Variants in CSMD3 observed in about 807,000 individuals in gnomAD.
CSMD3 encodes the protein CUB and Sushi multiple domains 3.
Under a neutral mutation model 435.2 loss-of-function variants are expected in CSMD3, and 177 were observed. The observed-to-expected ratio is 0.41, with a 90% CI of 0.36 to 0.46. CSMD3 has a LOEUF of 0.46. Among genes scored for constraint, CSMD3 ranks in the 20% least tolerant of loss-of-function variants. CSMD3 has a pLI of 0.34. For synonymous variants in CSMD3, 1,656 were observed against 1,520.5 expected, an observed-to-expected ratio of 1.09 and a Z score of -2.07; for missense variants, 4,265 against 4,504.6, an observed-to-expected ratio of 0.95 and a Z score of 1.52.
intron 6 of CSMD3, among the ~76,000 whole-genome samples, chr8:112,992,746 T>A (rs1587843034): frequency 6.6e-6 from 1 of 151,810 alleles, no homozygotes; most frequent in East Asian, 1.9e-4. Context: ...TGATTTAAAT[T>A]TAAAACAAAT....
At chr8:112,791,322 A>AGG (rs1563964280) in intron 13 of CSMD3, among the ~76,000 whole-genome samples, 5 of 51,444 alleles carry the variant, frequency 9.7e-5, no homozygotes, top group East Asian at 1.7e-3. Context: ...ATCCTGTGAA[A>AGG]AAAAAAAAAA....
chr8:112,765,010 G>A (rs1162555895), intron 13 of CSMD3, among the ~76,000 whole-genome samples: 1 of 151,434 alleles, frequency 6.6e-6, no homozygotes, highest in Non-Finnish European at 1.5e-5. Context: ...GGTGCACATA[G>A]TGAATGAGAG....
chr8:113,116,228 T>C (rs938738502), intron 4 of CSMD3, among the ~76,000 whole-genome samples: 3 of 152,176 alleles, frequency 2.0e-5, no homozygotes, highest in African/African-American at 7.2e-5. Context: ...TCACCACATG[T>C]CATGAGAAGG....
At chr8:112,785,829 T>A (rs1436371265) in intron 13 of CSMD3, among the ~76,000 whole-genome samples, 1 of 152,092 alleles carries the variant, frequency 6.6e-6, no homozygotes, top group African/African-American at 2.4e-5. Context: ...TGGATTAGAA[T>A]AATCAGTATT....
intron 4 of CSMD3, among the ~76,000 whole-genome samples, chr8:113,155,055 T>C (rs1349150617): frequency 6.6e-6 from 1 of 151,988 alleles, no homozygotes; most frequent in African/African-American, 2.4e-5. Flanking sequence ...TAAACTATCT[T>C]CCAAATCTTT....
chr8:112,520,038 A>G (rs1025376240), intron 27 of CSMD3, among the ~76,000 whole-genome samples: 1 of 152,118 alleles, frequency 6.6e-6, no homozygotes, highest in Non-Finnish European at 1.5e-5. Context: ...CTACATATTT[A>G]TAACATCTTA....
chr8:112,935,165 T>C (rs1291100136), intron 9 of CSMD3, among the ~76,000 whole-genome samples: 3 of 152,124 alleles, frequency 2.0e-5, no homozygotes, highest in Non-Finnish European at 4.4e-5. Flanking sequence ...GTCCTTTTCT[T>C]ACGGCGTGTT....
intron 39 of CSMD3, 83 bp from the exon 40 acceptor site, chr8:112,351,327 A>T: frequency 1.1e-6 from 1 of 921,624 alleles, no homozygotes; most frequent in Non-Finnish European, 1.8e-6. Context: ...TTATTATAAA[A>T]ACAAGCTTAA....
intron 2 of CSMD3, among the ~76,000 whole-genome samples, chr8:113,281,696 C>T (rs773386570): frequency 4.0e-5 from 6 of 151,790 alleles, no homozygotes; most frequent in Admixed American, 6.6e-5. Flanking sequence ...TTGCATACAT[C>T]GTGCACTTTG....
intron 6 of CSMD3, among the ~76,000 whole-genome samples, chr8:112,989,394 A>C (rs2085368540): frequency 6.6e-6 from 1 of 151,978 alleles, no homozygotes; most frequent in African/African-American, 2.4e-5. Context: ...TTTCTATGAA[A>C]CAATACTTAT....
intron 1 of CSMD3, among the ~76,000 whole-genome samples, chr8:113,377,905 G>T (rs995487502): frequency 2.0e-5 from 3 of 152,074 alleles, no homozygotes; most frequent in African/African-American, 7.2e-5. Flanking sequence ...TAAACGAGGA[G>T]CACGCCTGAA....
chr8:112,555,627 G>A (rs1054371844), intron 25 of CSMD3, among the ~76,000 whole-genome samples: 1 of 151,970 alleles, frequency 6.6e-6, no homozygotes, highest in African/African-American at 2.4e-5. Context: ...AAACCATGTT[G>A]TTTTCTGCAT....
intron 11 of CSMD3, among the ~76,000 whole-genome samples, chr8:112,845,103 T>G (rs751593116): frequency 2.0e-5 from 3 of 152,006 alleles, no homozygotes; most frequent in Non-Finnish European, 4.4e-5. Context: ...ACCAGAGACA[T>G]TCCTAGAAAG....
intron 27 of CSMD3, among the ~76,000 whole-genome samples, chr8:112,519,402 T>C (rs2853242): frequency 0.057 from 8,724 of 152,216 alleles, 331 homozygotes; most frequent in East Asian, 0.15. Context: ...GAGTTTGACC[T>C]GTAAAATCCC....
At chr8:113,115,839 G>A (rs550013809) in intron 4 of CSMD3, among the ~76,000 whole-genome samples, 24 of 152,286 alleles carry the variant, frequency 1.6e-4, no homozygotes, top group African/African-American at 5.8e-4. Context: ...TGAGGCAATT[G>A]CTTAGGACAG....
chr8:113,248,506 T>C (rs868081734), intron 3 of CSMD3, among the ~76,000 whole-genome samples: 7 of 136,380 alleles, frequency 5.1e-5, no homozygotes, highest in Admixed American at 1.5e-4. Flanking sequence ...CACACACACA[T>C]ATATTTCCAT....
chr8:113,391,431 C>A (rs1459960914), intron 1 of CSMD3, among the ~76,000 whole-genome samples: 1 of 151,946 alleles, frequency 6.6e-6, no homozygotes, highest in African/African-American at 2.4e-5. Flanking sequence ...ATTTTGAATA[C>A]ATTTCTAACA....
chr8:112,293,481 T>A (rs923212103), intron 54 of CSMD3, among the ~76,000 whole-genome samples: 1 of 152,100 alleles, frequency 6.6e-6, no homozygotes, highest in Non-Finnish European at 1.5e-5. Context: ...TAAATTAATG[T>A]GACTACATAA....
At chr8:112,901,957 T>G (rs1271322269) in intron 10 of CSMD3, among the ~76,000 whole-genome samples, 2 of 151,322 alleles carry the variant, frequency 1.3e-5, no homozygotes, top group Non-Finnish European at 3.0e-5. Context: ...TTGTTGAAGA[T>G]TCTACTTTTC....
Sources: allele counts gnomAD v4.1 joint callset (sites outside exome capture counted in the v4.1 genomes callset), GRCh38; gene constraint gnomAD v4.1.1; transcripts MANE v1.5; gene names NCBI Gene and HGNC (gene_info 2026-07-23, HGNC 2026-07-21).